KIFAP3: variants seen among roughly 807,000 people sequenced by gnomAD.
KIFAP3 encodes kinesin associated protein 3, also known as kinesin-associated protein 3.
Under a neutral mutation model 106.5 loss-of-function variants are expected in KIFAP3, and 68 were observed. The observed-to-expected ratio is 0.64, with a 90% CI of 0.53 to 0.78. The LOEUF (loss-of-function observed/expected upper bound fraction) is 0.78, where lower values mean the gene tolerates loss of function less well. Among genes scored for constraint, KIFAP3 ranks in the 30% least tolerant of loss-of-function variants. The probability of loss-of-function intolerance (pLI) is 0.00; values close to 1 mark genes in which losing one functional copy is unlikely to be tolerated. For synonymous variants in KIFAP3, 320 were observed against 311.5 expected, an observed-to-expected ratio of 1.03 and a Z score of -0.29; for missense variants, 780 against 941.8, an observed-to-expected ratio of 0.83 and a Z score of 2.25.
intron 10 of KIFAP3, among the ~76,000 whole-genome samples, chr1:169,998,038 A>G (rs192191754): frequency 0.021 from 2,664 of 129,316 alleles, 86 homozygotes; most frequent in African/African-American, 0.075. Flanking sequence ...CCCTTAATGG[A>G]AAAAAAAAAA....
chr1:169,993,635 T>C (rs1304842798), intron 10 of KIFAP3, among the ~76,000 whole-genome samples: 4 of 36 alleles, frequency 0.11, no homozygotes, highest in African/African-American at 0.33. Context: ...GCAGGTGATT[T>C]GCTTGTACCC....
At chr1:169,972,894 A>C (rs1665992261) in intron 16 of KIFAP3, among the ~76,000 whole-genome samples, 1 of 151,464 alleles carries the variant, frequency 6.6e-6, no homozygotes, top group African/African-American at 2.4e-5. Flanking sequence ...AGGATCATGA[A>C]CATAAATGAA....
At chr1:169,947,915 A>G (rs1434094487) in intron 19 of KIFAP3, among the ~76,000 whole-genome samples, 1 of 151,484 alleles carries the variant, frequency 6.6e-6, no homozygotes, top group African/African-American at 2.4e-5. Flanking sequence ...TTATTTTAAC[A>G]TTCACATATA....
intron 18 of KIFAP3, among the ~76,000 whole-genome samples, chr1:169,959,579 AATTAATT>A (rs1175476114): frequency 6.6e-6 from 1 of 152,146 alleles, no homozygotes; most frequent in Non-Finnish European, 1.5e-5. Flanking sequence ...GGTTAATTTA[AATTAATT>A]TTGGAAATGT....
chr1:169,923,615 T>C (rs969894779), intron 19 of KIFAP3, among the ~76,000 whole-genome samples: 19 of 152,228 alleles, frequency 1.2e-4, no homozygotes, highest in African/African-American at 4.3e-4. Context: ...GTTAATCTTA[T>C]GCTTGTTTCT....
chr1:169,957,034 C>T (rs1665051347), intron 18 of KIFAP3, among the ~76,000 whole-genome samples: 1 of 152,172 alleles, frequency 6.6e-6, no homozygotes, highest in East Asian at 1.9e-4. Context: ...TATAAAAATT[C>T]TGTTAAAGCC....
rs200597960 is a variant in KIFAP3 at position 170,059,225 on chromosome 1, GT to G, written c.33-3790del. 8.1e-3 allele frequency among the ~76,000 whole-genome samples: 1,233 copies of G among 152,202 alleles called. 22 individuals carry two copies. Among genetic ancestry groups the G allele is most frequent in the African/African-American group, 0.027 (1,130 of 41,536 alleles). Reference sequence around the variant, plus strand: ...AAAAAATCAATGAACCCAGGAGATGGTTTTTTGAAAAGATCAACAAAACTGA... The same window carrying G: ...AAAAAATCAATGAACCCAGGAGATGGTTTTTGAAAAGATCAACAAAACTGA... On this transcript the variant is annotated intron_variant, in intron 1 of 19. Transcript: ENST00000361580.
Position 169,984,776 on chromosome 1 carries a change from A to C in KIFAP3, c.1285-86T>G, listed in dbSNP as rs377361606. On this transcript the variant is annotated intron_variant, in intron 11 of 19. Coordinates refer to ENST00000361580, the MANE Select transcript of KIFAP3 (RefSeq NM_014970.4). ...AGCAATATTTTTATCATAATGTGTT[A>C]TCTTAGATTGTACATTGGGCATAAT... 1.0e-5 allele frequency: 7 copies of C among 678,858 alleles called. No individual in the cohort carries two copies. In the African/African-American group the frequency reaches 1.3e-4, roughly 12 times the overall value. The allele number at this position is 678,858 out of a possible 1,614,324, so 42.1% of individuals were successfully genotyped here.
chr1:170,067,775 G>A (rs1671518074), intron 1 of KIFAP3: 2 of 152,274 alleles, frequency 1.3e-5, no homozygotes, highest in Non-Finnish European at 2.9e-5. Context: ...TGGCCCCTGG[G>A]ATAAATAGTA....
intron 1 of KIFAP3, among the ~76,000 whole-genome samples, chr1:170,080,559 A>G (rs78704198): frequency 0.015 from 2,279 of 152,256 alleles, 34 homozygotes; most frequent in Middle Eastern, 0.058. Flanking sequence ...ATATACATAG[A>G]TTAATGGAAG....
In KIFAP3 at chr1:170,061,184, C is replaced by A. The variant is rs1480417232; in HGVS notation, c.33-5748G>T. 2.6e-5 allele frequency among the ~76,000 whole-genome samples: 4 copies of A among 152,112 alleles called. No homozygotes were observed. The East Asian group carries it at 7.7e-4, about 29-fold the overall frequency. The stretch of plus-strand genomic sequence containing the variant: ...AATGGGATCTAATTAAACTAAAGAG[C>A]TTCTGCACAGCAAAAGAAACTACCA... On this transcript the variant is annotated intron_variant, in intron 1 of 19. Transcript: ENST00000361580.
chr1:170,073,202 G>A (rs1182660579), intron 1 of KIFAP3, among the ~76,000 whole-genome samples: 1 of 152,052 alleles, frequency 6.6e-6, no homozygotes, highest in Non-Finnish European at 1.5e-5. Flanking sequence ...AAAAACCAAC[G>A]TTAAGTAAAA....
chr1:170,000,058 T>C (rs1199481524), intron 10 of KIFAP3, among the ~76,000 whole-genome samples: 2 of 152,098 alleles, frequency 1.3e-5, no homozygotes, highest in African/African-American at 4.8e-5. Context: ...AGTTTTTTCA[T>C]CTGTGAAGTG....
chr1:170,009,578 C>T (rs1432747641), intron 10 of KIFAP3, among the ~76,000 whole-genome samples: 1 of 152,116 alleles, frequency 6.6e-6, no homozygotes, highest in African/African-American at 2.4e-5. Flanking sequence ...TCAAACAATC[C>T]TCAGCTTATG....
chr1:169,993,181 C>G (rs926872257), intron 10 of KIFAP3, among the ~76,000 whole-genome samples: 93 of 150,026 alleles, frequency 6.2e-4, no homozygotes, highest in African/African-American at 2.2e-3. Context: ...AATCTTGGCT[C>G]ACTGCAACCT....
intron 1 of KIFAP3, among the ~76,000 whole-genome samples, chr1:170,060,053 C>T (rs2102138787): frequency 6.6e-6 from 1 of 152,222 alleles, no homozygotes; most frequent in African/African-American, 2.4e-5. Flanking sequence ...AACCCACAGC[C>T]AATATCATAA....
At chr1:170,053,994 G>A (rs1483180548) in intron 2 of KIFAP3, among the ~76,000 whole-genome samples, 1 of 152,126 alleles carries the variant, frequency 6.6e-6, no homozygotes, top group East Asian at 1.9e-4. Context: ...TTGACAAATG[G>A]GATCTAATTA....
At chr1:170,035,608 G>A in intron 5 of KIFAP3, 55 bp from the exon 6 acceptor site, 1 of 1,114,822 alleles carries the variant, frequency 9.0e-7, no homozygotes. Flanking sequence ...TGGTATAAAG[G>A]GTGATTGGTT....
intron 19 of KIFAP3, among the ~76,000 whole-genome samples, chr1:169,941,745 C>T (rs946508630): frequency 6.6e-6 from 1 of 151,908 alleles, no homozygotes; most frequent in Non-Finnish European, 1.5e-5. Flanking sequence ...CTTCCAGTTG[C>T]CAACCACAAA....
Sources: gnomAD v4.1 joint callset for allele counts (sites outside exome capture counted in the v4.1 genomes callset) on GRCh38, gnomAD v4.1.1 for gene constraint, MANE v1.5 for transcripts, NCBI Gene and HGNC (gene_info 2026-07-23, HGNC 2026-07-21) for gene names.